The following SETD3 variants were observed in gnomAD, a reference collection of about 807,000 sequenced individuals.
SETD3 encodes the protein SET domain containing 3, actin N3(tau)-histidine methyltransferase.
Under a neutral mutation model 63.0 loss-of-function variants are expected in SETD3, and 19 were observed. That is an observed-to-expected ratio of 0.30 (90% confidence interval 0.21 to 0.44). The LOEUF is 0.44. Among genes scored for constraint, SETD3 ranks in the 20% least tolerant of loss-of-function variants. The probability of loss-of-function intolerance (pLI) is 1.00; values close to 1 mark genes in which losing one functional copy is unlikely to be tolerated. For missense variants in SETD3, 587 were observed against 728.5 expected (o/e 0.81, Z 2.24); for synonymous variants, 286 against 264.1 (o/e 1.08, Z -0.80).
chr14:99,403,218 C>G (rs1891476792), intron 11 of SETD3, among the ~76,000 whole-genome samples: 1 of 152,066 alleles, frequency 6.6e-6, no homozygotes, highest in Admixed American at 6.6e-5. Flanking sequence ...TGCACTGCTC[C>G]CTGGATCCAG....
intron 3 of SETD3, among the ~76,000 whole-genome samples, chr14:99,461,763 C>T (rs1396983367): frequency 6.6e-6 from 1 of 152,120 alleles, no homozygotes; most frequent in East Asian, 1.9e-4. Flanking sequence ...CGCGTATGTG[C>T]ACAAGGAGAC....
intron 1 of SETD3, among the ~76,000 whole-genome samples, chr14:99,469,668 C>T (rs72704578): frequency 0.026 from 3,893 of 152,322 alleles, 69 homozygotes; most frequent in Middle Eastern, 0.037. Context: ...ATCCCTTCAG[C>T]CCAGAAGGCA....
chr14:99,453,477 T>C (rs1334806445), intron 6 of SETD3, among the ~76,000 whole-genome samples: 2 of 152,154 alleles, frequency 1.3e-5, no homozygotes, highest in African/African-American at 4.8e-5. Flanking sequence ...CACCTCATTC[T>C]AGGGTGCCTA....
intron 4 of SETD3, 125 bp downstream of exon 4, chr14:99,461,067 T>C (rs1488981861): frequency 8.5e-7 from 1 of 1,176,196 alleles, no homozygotes; most frequent in Non-Finnish European, 1.2e-6. Flanking sequence ...CCAGGCTGCC[T>C]ATCTGCCCAC....
intron 6 of SETD3, among the ~76,000 whole-genome samples, chr14:99,417,627 A>G (rs1443717639): frequency 3.3e-5 from 5 of 152,260 alleles, no homozygotes; most frequent in Non-Finnish European, 4.4e-5. Context: ...AGCTCATACA[A>G]CAAACCTTTG....
chr14:99,400,263 C>T lies in SETD3; in HGVS notation c.1178-4G>A, dbSNP rs113082574. The T allele has an allele frequency of 7.5e-5, 120 of 1,608,770 alleles. 3 individuals carry two copies. In the African/African-American group the frequency reaches 8.3e-4, roughly 11 times the overall value. ...AGCAAGTGTTCTTTCAGTTCTTCTA[C>T]AAGAAATACAAATGGCAATCTGTTA... On this transcript the variant is annotated splice_region_variant and splice_polypyrimidine_tract_variant and intron_variant, in intron 11 of 12. Coordinates refer to ENST00000331768, the MANE Select transcript of SETD3 (RefSeq NM_032233.3).
chr14:99,415,924 A>G (rs898489662), intron 6 of SETD3, among the ~76,000 whole-genome samples: 7 of 152,158 alleles, frequency 4.6e-5, no homozygotes, highest in Non-Finnish European at 1.0e-4. Context: ...AGAGTTCTTG[A>G]TATTTCCCAG....
chr14:99,409,298 G>GA (rs1176570746), intron 8 of SETD3, among the ~76,000 whole-genome samples: 1 of 152,164 alleles, frequency 6.6e-6, no homozygotes, highest in Non-Finnish European at 1.5e-5. Context: ...GACACAGGGA[G>GA]AAAAAAATTT....
chr14:99,457,149 A>G (rs1263172567), intron 6 of SETD3, among the ~76,000 whole-genome samples: 1 of 152,220 alleles, frequency 6.6e-6, no homozygotes, highest in East Asian at 1.9e-4. Flanking sequence ...TGCACACTAT[A>G]TGAAGAAGCA....
intron 1 of SETD3, among the ~76,000 whole-genome samples, chr14:99,480,107 A>G (rs2139833474): frequency 6.6e-6 from 1 of 152,300 alleles, no homozygotes; most frequent in South Asian, 2.1e-4. Context: ...AAGAAAGACG[A>G]CCTATTTCCT....
intron 1 of SETD3, among the ~76,000 whole-genome samples, chr14:99,478,530 T>A (rs984207836): frequency 1.7e-4 from 26 of 152,190 alleles, no homozygotes; most frequent in East Asian, 1.2e-3. Context: ...TCTATGTAAT[T>A]AAAACATTGA....
At chr14:99,430,530 C>T (rs550411493) in intron 6 of SETD3, among the ~76,000 whole-genome samples, 1 of 152,342 alleles carries the variant, frequency 6.6e-6, no homozygotes. Flanking sequence ...ACTTGTTCCT[C>T]AGGGTATTTA....
intron 6 of SETD3, among the ~76,000 whole-genome samples, chr14:99,416,786 C>T (rs1892312837): frequency 6.6e-6 from 1 of 152,138 alleles, no homozygotes; most frequent in Admixed American, 6.5e-5. Flanking sequence ...AATATTTTTA[C>T]TTTCTTGAGC....
At chr14:99,414,616 G>A (rs191378389) in intron 6 of SETD3, among the ~76,000 whole-genome samples, 4 of 152,172 alleles carry the variant, frequency 2.6e-5, no homozygotes, top group Admixed American at 2.6e-4. Context: ...AAGAACATTT[G>A]GTAAAAATAC....
At chr14:99,431,520 T>C (rs1893178927) in intron 6 of SETD3, among the ~76,000 whole-genome samples, 1 of 152,054 alleles carries the variant, frequency 6.6e-6, no homozygotes, top group African/African-American at 2.4e-5. Context: ...AGACAGAGTT[T>C]TGCTCTTGTT....
At chr14:99,486,312 A>T in the SETD3 span, among the ~76,000 whole-genome samples, 4 of 152,176 alleles carry the variant, frequency 2.6e-5, no homozygotes, top group Non-Finnish European at 5.9e-5. Flanking sequence ...TGGGTAAATC[A>T]TAAGTGCATT....
intron 9 of SETD3, among the ~76,000 whole-genome samples, chr14:99,406,259 G>A (rs562171927): frequency 3.3e-5 from 5 of 152,080 alleles, no homozygotes; most frequent in Admixed American, 1.3e-4. Flanking sequence ...ACAAATATTA[G>A]GCCAATTGTG....
intron 11 of SETD3, among the ~76,000 whole-genome samples, chr14:99,403,602 A>G (rs1891521934): frequency 6.6e-6 from 1 of 152,136 alleles, no homozygotes; most frequent in African/African-American, 2.4e-5. Context: ...GAAACCCCAA[A>G]TGACTTGTTT....
intron 6 of SETD3, among the ~76,000 whole-genome samples, chr14:99,435,312 G>A (rs1893417207): frequency 6.6e-6 from 1 of 152,004 alleles, no homozygotes; most frequent in Non-Finnish European, 1.5e-5. Context: ...AGTTTTCTTG[G>A]CAATTTCTAC....
Sources: allele counts gnomAD v4.1 joint callset (sites outside exome capture counted in the v4.1 genomes callset), GRCh38; gene constraint gnomAD v4.1.1; transcripts MANE v1.5; gene names NCBI Gene and HGNC (gene_info 2026-07-23, HGNC 2026-07-21).